The following INTS7 variants were observed in gnomAD, a reference collection of about 807,000 sequenced individuals.
The protein encoded by INTS7 is integrator complex subunit 7.
INTS7 carries 46 observed loss-of-function variants against 109.2 expected under a neutral mutation model. The ratio of observed to expected loss-of-function variants is 0.42; its 90% CI spans 0.33 to 0.54. The LOEUF (loss-of-function observed/expected upper bound fraction) is 0.54, where lower values mean the gene tolerates loss of function less well. Among genes scored for constraint, INTS7 ranks in the 20% least tolerant of loss-of-function variants. INTS7 has a pLI of 0.07. For synonymous variants in INTS7, 412 were observed against 402.9 expected (o/e 1.02, Z -0.27); for missense variants, 929 against 1,132.4 (o/e 0.82, Z 2.58).
intron 14 of INTS7, 95 bp from the exon 15 acceptor site, chr1:211,968,076 A>C: frequency 1.7e-6 from 1 of 602,880 alleles, no homozygotes; most frequent in Non-Finnish European, 2.8e-6. Context: ...TTCAAACAAT[A>C]ACAATTCAAA....
At chr1:211,989,145 A>G (rs1304662793) in intron 7 of INTS7, among the ~76,000 whole-genome samples, 1 of 152,250 alleles carries the variant, frequency 6.6e-6, no homozygotes, top group Admixed American at 6.5e-5. Context: ...AATAAATTTA[A>G]TATGACCATC....
intron 1 of INTS7, among the ~76,000 whole-genome samples, chr1:212,034,516 TA>T (rs1228486284): frequency 6.6e-6 from 1 of 152,174 alleles, no homozygotes; most frequent in Non-Finnish European, 1.5e-5. Context: ...TCCCGTACAA[TA>T]AAAATCCTCA....
intron 8 of INTS7, among the ~76,000 whole-genome samples, chr1:211,983,851 TTTTG>T (rs1664771378): frequency 3.4e-5 from 4 of 119,252 alleles, no homozygotes; most frequent in East Asian, 4.6e-4. Flanking sequence ...GTTTGTTTTG[TTTTG>T]TTTTTTTTTT....
rs1437484632 is a variant in INTS7 at position 211,942,281 on chromosome 1, A to G, written c.2602-170T>C. ...GGAGTCTAAGGCAGACAGGTTAAGT[A>G]ATGTCTCCAAAGTCACATGATTAGT... On this transcript the variant is annotated intron_variant, in intron 19 of 19. Transcript: ENST00000366994. This position sits in a 1 kb window ranked among gnomAD's most constrained non-coding sequence, Gnocchi z 4.2. Among the ~76,000 whole-genome samples the G allele has an allele frequency of 6.6e-6, 1 of 152,190 alleles. No homozygotes were observed. The highest frequency in any genetic ancestry group is 1.5e-5 in the Non-Finnish European group (1 of 68,038).
chr1:212,011,654 C>A (rs921704190), intron 4 of INTS7: 2 of 468,972 alleles, frequency 4.3e-6, no homozygotes, highest in Non-Finnish European at 7.7e-6. Flanking sequence ...TCACTTAGGC[C>A]ATTACCACAA....
At chr1:212,003,516 C>T (rs1429770685) in intron 7 of INTS7, among the ~76,000 whole-genome samples, 2 of 151,986 alleles carry the variant, frequency 1.3e-5, no homozygotes, top group South Asian at 2.1e-4. Context: ...AAGGACCTTC[C>T]GAAGGCAGAA....
At chr1:211,953,586 T>C (rs1380701985) in intron 16 of INTS7, among the ~76,000 whole-genome samples, 1 of 134,672 alleles carries the variant, frequency 7.4e-6, no homozygotes, top group Non-Finnish European at 1.6e-5. Context: ...GAGTGTGATG[T>C]TCTCCTTCCT....
rs756472267 is a variant in INTS7 at position 211,941,998 on chromosome 1, T to C, written c.2715A>G (p.Thr905=). ...TGGCATCTTTCACAGAAGATTCCAC[T>C]GTAATGTTGTGTGTTCCAAGGATAG... is the stretch of plus-strand genomic sequence containing the variant. ...NFAILGTHNI[T]VESSVKDANG... is the part of the protein sequence containing the mutation. The change falls in exon 20 of 20, where the codon ACA becomes ACG. Residue 905 remains threonine (T), a synonymous_variant. Coordinates refer to ENST00000366994, the MANE Select transcript of INTS7 (RefSeq NM_015434.4). The C allele has an allele frequency of 8.7e-6, 14 of 1,614,122 alleles. No individual in the cohort carries two copies. Among genetic ancestry groups the C allele is most frequent in the Admixed American group, 1.7e-5 (1 of 60,008 alleles).
chr1:211,966,538 A>C (rs765309751), intron 15 of INTS7, 40 bp from the exon 16 acceptor site: 1 of 1,259,454 alleles, frequency 7.9e-7, no homozygotes, highest in South Asian at 1.3e-5. Flanking sequence ...ATAGAGAAGA[A>C]ACCCGCTATA....
chr1:211,944,936 C>CT lies in INTS7; in HGVS notation c.2448dup (p.Glu817ArgfsTer8). 1 of 1,614,224 alleles carries CT rather than the reference C, an allele frequency of 6.2e-7. No homozygotes were observed. The highest frequency in any genetic ancestry group is 1.1e-5 in the South Asian group (1 of 91,076). On this transcript the variant is annotated frameshift_variant, in exon 19 of 20. Transcript: ENST00000366994. LOFTEE classifies it high-confidence loss of function. ...TGGTTATTCTGGACAGCAATGGGCT[C>CT]TGCAGGATTCCGGGGCGATGGTGAC... is the stretch of plus-strand genomic sequence containing the variant.
chr1:211,995,434 A>G (rs1665337961), intron 7 of INTS7, among the ~76,000 whole-genome samples: 1 of 152,226 alleles, frequency 6.6e-6, no homozygotes, highest in South Asian at 2.1e-4. Context: ...AAATCTAACT[A>G]TAAGGATCAT....
chr1:211,959,400 T>C lies in INTS7; in HGVS notation c.2184-6699A>G, dbSNP rs1663510738. ...GCAGCCTTGGGTGTCCTGGGGGGCC[T>C]GCATCATAGCTCCTGTGCTTGTGGA... On this transcript the variant is annotated intron_variant, in intron 16 of 19. Transcript: ENST00000366994. The surrounding 1 kb of genome is among the most constrained non-coding windows in gnomAD (Gnocchi z 4.2). 1.3e-5 allele frequency among the ~76,000 whole-genome samples: 2 copies of C among 152,168 alleles called. No individual in the cohort carries two copies. The highest frequency in any genetic ancestry group is 2.1e-4 in the South Asian group (1 of 4,834).
intron 13 of INTS7, among the ~76,000 whole-genome samples, chr1:211,974,276 AATATATATATATAT>A (rs58474002): frequency 1.1e-5 from 1 of 92,420 alleles, no homozygotes; most frequent in African/African-American, 4.2e-5. Flanking sequence ...AGAAAAAAAA[AATATATATATATAT>A]ATATATATAT....
At chr1:211,948,027 AT>A in intron 17 of INTS7, among the ~76,000 whole-genome samples, 1 of 152,318 alleles carries the variant, frequency 6.6e-6, no homozygotes, top group Non-Finnish European at 1.5e-5. Context: ...ACTATCTCTA[AT>A]ATTTTTCCCA....
intron 16 of INTS7, among the ~76,000 whole-genome samples, chr1:211,965,327 G>A (rs946185577): frequency 2.0e-5 from 3 of 152,146 alleles, no homozygotes; most frequent in Admixed American, 6.5e-5. Context: ...AGAGAAAAGG[G>A]AACCCTTATA....
Position 211,999,221 on chromosome 1 carries a change from G to T in INTS7, c.879+7418C>A, listed in dbSNP as rs140922926. ...CCAAAAACCCAGAAACAATCCAAAT[G>T]TCCATCAACTTATGAACAGACAAAT... is the stretch of plus-strand genomic sequence containing the variant. On this transcript the variant is annotated intron_variant, in intron 7 of 19. Coordinates refer to ENST00000366994, the MANE Select transcript of INTS7 (RefSeq NM_015434.4). Among the ~76,000 whole-genome samples the T allele has an allele frequency of 2.5e-3, 377 of 152,260 alleles. 4 individuals carry two copies. Among genetic ancestry groups the T allele is most frequent in the African/African-American group, 8.4e-3 (349 of 41,534 alleles).
chr1:211,962,997 GAAGAC>G (rs1226730256), intron 16 of INTS7, among the ~76,000 whole-genome samples: 1 of 152,034 alleles, frequency 6.6e-6, no homozygotes, highest in African/African-American at 2.4e-5. Flanking sequence ...CCCAAAGCTA[GAAGAC>G]AAGAAATAAT....
chr1:211,948,383 A>G (rs1442645038), intron 17 of INTS7, among the ~76,000 whole-genome samples: 15 of 152,216 alleles, frequency 9.9e-5, no homozygotes, highest in Non-Finnish European at 4.4e-5. Flanking sequence ...GTAATTTGGA[A>G]AGTATTTGCA....
intron 13 of INTS7, among the ~76,000 whole-genome samples, chr1:211,974,013 A>G (rs912464264): frequency 1.1e-4 from 17 of 152,074 alleles, no homozygotes; most frequent in Non-Finnish European, 2.4e-4. Context: ...TTAAATACAC[A>G]TACCACACAA....
Sources: gnomAD v4.1 joint callset for allele counts (sites outside exome capture counted in the v4.1 genomes callset) on GRCh38, gnomAD v4.1.1 for gene constraint, Gnocchi (gnomAD v3.1) non-coding constraint, MANE v1.5 for transcripts, NCBI Gene and HGNC (gene_info 2026-07-23, HGNC 2026-07-21) for gene names.